Variants in NAALADL2 observed in about 807,000 individuals in gnomAD.
NAALADL2 encodes the protein inactive N-acetylated-alpha-linked acidic dipeptidase-like protein 2.
Under a neutral mutation model 87.2 loss-of-function variants are expected in NAALADL2, and 76 were observed. The ratio of observed to expected loss-of-function variants is 0.87; its 90% CI spans 0.72 to 1.05. NAALADL2 has a LOEUF of 1.05. Ranked by LOEUF, NAALADL2 falls within the 50% of genes least tolerant of loss-of-function variation. The pLI is 0.00. For missense variants in NAALADL2, 1,089 were observed against 945.8 expected (o/e 1.15, Z -1.99); for synonymous variants, 354 against 331.0 (o/e 1.07, Z -0.75).
intron 3 of NAALADL2, among the ~76,000 whole-genome samples, chr3:175,244,945 A>C (rs1256537175): frequency 6.6e-6 from 1 of 152,186 alleles, no homozygotes; most frequent in Non-Finnish European, 1.5e-5. Context: ...GAAAGTAAGC[A>C]GTAGGAAAGG....
At chr3:174,953,658 G>T (rs1196756283) in intron 1 of NAALADL2, among the ~76,000 whole-genome samples, 2 of 151,762 alleles carry the variant, frequency 1.3e-5, no homozygotes, top group Non-Finnish European at 2.9e-5. Context: ...ATTCCCTTGG[G>T]CTGTGGCTGA....
chr3:175,314,696 A>ATATATATTTCTAAC (rs1758890415), intron 4 of NAALADL2, among the ~76,000 whole-genome samples: 1 of 87,848 alleles, frequency 1.1e-5, no homozygotes, highest in African/African-American at 4.7e-5. Flanking sequence ...ATATATATAT[A>ATATATATTTCTAAC]TATATATATA....
chr3:174,519,272 A>G (rs1265996084), intron 1 of NAALADL2, among the ~76,000 whole-genome samples: 1 of 151,920 alleles, frequency 6.6e-6, no homozygotes. Flanking sequence ...CAATATTAAG[A>G]TTAAGATTAG....
chr3:175,026,237 A>G (rs1008688734), intron 1 of NAALADL2, among the ~76,000 whole-genome samples: 2 of 152,122 alleles, frequency 1.3e-5, no homozygotes, highest in African/African-American at 4.8e-5. Context: ...ATGAGAAAAT[A>G]CACATGTCTA....
intron 2 of NAALADL2, among the ~76,000 whole-genome samples, chr3:174,662,568 A>T (rs555909247): frequency 2.6e-5 from 4 of 152,190 alleles, no homozygotes; most frequent in Non-Finnish European, 4.4e-5. Flanking sequence ...AAGGCAAGAT[A>T]ACTTGATCAG....
intron 1 of NAALADL2, among the ~76,000 whole-genome samples, chr3:175,047,925 A>G (rs888486093): frequency 2.0e-5 from 3 of 152,320 alleles, no homozygotes; most frequent in Non-Finnish European, 2.9e-5. Flanking sequence ...TAGAGTGCAG[A>G]GGGCATGGAT....
chr3:174,641,202 TG>T (rs1226852413), intron 2 of NAALADL2, among the ~76,000 whole-genome samples: 1 of 152,014 alleles, frequency 6.6e-6, no homozygotes, highest in African/African-American at 2.4e-5. Flanking sequence ...CTGCAAGAGA[TG>T]GATTCTGCCC....
chr3:174,815,530 G>A (rs1385780653), intron 3 of NAALADL2, among the ~76,000 whole-genome samples: 1 of 152,176 alleles, frequency 6.6e-6, no homozygotes, highest in East Asian at 1.9e-4. Flanking sequence ...CTGTGTTTAA[G>A]TGATCCTGCT....
intron 1 of NAALADL2, among the ~76,000 whole-genome samples, chr3:174,490,886 T>C (rs945454510): frequency 2.6e-5 from 4 of 152,134 alleles, no homozygotes; most frequent in African/African-American, 7.2e-5. Context: ...AAATATTTAG[T>C]ACCACCATCA....
At chr3:174,631,641 A>G (rs1014170601) in intron 2 of NAALADL2, among the ~76,000 whole-genome samples, 5 of 152,208 alleles carry the variant, frequency 3.3e-5, no homozygotes, top group African/African-American at 1.2e-4. Flanking sequence ...CATAAACAAG[A>G]CAAATATATA....
intron 1 of NAALADL2, among the ~76,000 whole-genome samples, chr3:174,896,403 A>T (rs1731535966): frequency 6.6e-6 from 1 of 152,176 alleles, no homozygotes; most frequent in African/African-American, 2.4e-5. Context: ...AAAGAAATAA[A>T]AAGGTAATAC....
At chr3:175,127,360 C>T (rs1013019235) in intron 2 of NAALADL2, among the ~76,000 whole-genome samples, 1 of 151,986 alleles carries the variant, frequency 6.6e-6, no homozygotes, top group Non-Finnish European at 1.5e-5. Flanking sequence ...CGGTAATTTC[C>T]AAAGATTCAT....
In NAALADL2 at chr3:175,806,865, AT is replaced by A. The variant is rs1754754599; in HGVS notation, c.*3663del. The A allele has an allele frequency of 6.6e-6, 1 of 151,702 alleles. No individual in the cohort carries two copies. The highest frequency in any genetic ancestry group is 1.5e-5 in the Non-Finnish European group (1 of 67,812). The allele number at this position is 151,702 out of a possible 1,614,324, so 9.4% of individuals were successfully genotyped here. A position where few individuals can be genotyped will look rare whatever the true frequency, so the allele number is the denominator to read the frequency against. On this transcript the variant is annotated 3_prime_UTR_variant, in exon 14 of 14. Transcript: ENST00000454872. ...TTTACACTGAGTGCCGAAAAAAAAA[AT>A]CAGACTATTTTGATTCTAGAAAGTG...
At chr3:175,350,270 G>A (rs759833793) in intron 5 of NAALADL2, among the ~76,000 whole-genome samples, 16 of 152,036 alleles carry the variant, frequency 1.1e-4, no homozygotes, top group African/African-American at 3.9e-4. Context: ...ATATACTCCT[G>A]TTGCAAACAA....
chr3:175,031,495 A>G (rs1214009557), intron 1 of NAALADL2, among the ~76,000 whole-genome samples: 1 of 152,054 alleles, frequency 6.6e-6, no homozygotes, highest in Non-Finnish European at 1.5e-5. Flanking sequence ...TATGTGTACC[A>G]CATTTTCTTT....
At chr3:174,797,305 C>CTTTTTTTTTTTTTTTTTTTTTTT (rs1160338109) in intron 3 of NAALADL2, among the ~76,000 whole-genome samples, 29 of 72,718 alleles carry the variant, frequency 4.0e-4, no homozygotes, top group African/African-American at 1.7e-3. Flanking sequence ...TTTCTTTTTT[C>CTTTTTTTTTTTTTTTTTTTTTTT]TTTTTTTTTT....
At chr3:175,529,022 C>A (rs1361436230) in intron 9 of NAALADL2, among the ~76,000 whole-genome samples, 2 of 152,186 alleles carry the variant, frequency 1.3e-5, no homozygotes, top group Admixed American at 6.5e-5. Flanking sequence ...GGTGGAGTAA[C>A]CCAAACCTTC....
At chr3:175,525,003 A>G (rs1733183945) in intron 9 of NAALADL2, among the ~76,000 whole-genome samples, 1 of 152,168 alleles carries the variant, frequency 6.6e-6, no homozygotes, top group African/African-American at 2.4e-5. Context: ...AATTGGGCAG[A>G]TGCTGATTGA....
rs58401836 is a variant in NAALADL2 at position 175,202,344 on chromosome 3, C to G, written c.546-31587C>G. On this transcript the variant is annotated intron_variant, in intron 2 of 13. Coordinates refer to ENST00000454872, the MANE Select transcript of NAALADL2 (RefSeq NM_207015.3). ...CTCCCTCTTCCATTTCCTCTCCTCT[C>G]TGATCTATGCATCTCTTTCCTTAGT... Among the ~76,000 whole-genome samples the G allele has an allele frequency of 7.9e-3, 1,196 of 152,230 alleles. 15 individuals carry two copies. Among genetic ancestry groups the G allele is most frequent in the African/African-American group, 0.027 (1,119 of 41,524 alleles).
Sources: allele counts gnomAD v4.1 joint callset (sites outside exome capture counted in the v4.1 genomes callset), GRCh38; gene constraint gnomAD v4.1.1; transcripts MANE v1.5; gene names NCBI Gene and HGNC (gene_info 2026-07-23, HGNC 2026-07-21).